GALNT15: variants seen among roughly 807,000 people sequenced by gnomAD.
GALNT15 encodes polypeptide N-acetylgalactosaminyltransferase 15, also known as UDP-GalNAc transferase T15.
Under a neutral mutation model 66.8 loss-of-function variants are expected in GALNT15, and 67 were observed. The observed-to-expected ratio is 1.00, with a 90% CI of 0.82 to 1.23. GALNT15 has a LOEUF of 1.23. Among genes scored for constraint, GALNT15 ranks in the 50% most tolerant of loss-of-function variants. The pLI, the probability that GALNT15 is intolerant of heterozygous loss-of-function variation, is 0.00. For synonymous variants in GALNT15, 313 were observed against 311.5 expected (o/e 1.00, Z -0.05); for missense variants, 827 against 804.3 (o/e 1.03, Z -0.34).
In GALNT15 at chr3:16,222,741, C is replaced by G. The variant is rs763710829; in HGVS notation, c.1756C>G (p.His586Asp). ...GGAAGGCCTGGCCATCCACCAGCAGCACTGGGACTTCCAGGAGGTGAGTAA... is the reference window on the plus strand; with the variant it reads ...GGAAGGCCTGGCCATCCACCAGCAGGACTGGGACTTCCAGGAGGTGAGTAA... ...TEEGLAIHQQ[H>D]WDFQENGMIV... Residue 586 changes from histidine (H) to aspartate (D), a missense_variant, in exon 9 of 10, where the codon CAC (histidine) becomes GAC (aspartate). Transcript: ENST00000339732. The G allele has an allele frequency of 1.2e-6, 2 of 1,614,042 alleles. No individual in the cohort carries two copies. The highest frequency in any genetic ancestry group is 1.7e-6 in the Non-Finnish European group (2 of 1,180,032).
chr3:16,233,052 A>G (rs1016129165), downstream of GALNT15, among the ~76,000 whole-genome samples: 13 of 145,122 alleles, frequency 9.0e-5, no homozygotes, highest in Non-Finnish European at 9.0e-5. Context: ...TTGAAGCCAC[A>G]TGGTAAGATG....
At chr3:16,233,113 T>TTTTTTTTTTTTTTTTTTTTTTTTGTGG (rs71064272), downstream of GALNT15, among the ~76,000 whole-genome samples, 1 of 139,260 alleles carries the variant, frequency 7.2e-6, no homozygotes, top group African/African-American at 2.7e-5. Context: ...TTTTTTTTTT[T>TTTTTTTTTTTTTTTTTTTTTTTTGTGG]GAAACGGAGT....
chr3:16,194,543 C>A (rs1172111762), intron 1 of GALNT15, among the ~76,000 whole-genome samples: 3 of 152,164 alleles, frequency 2.0e-5, no homozygotes, highest in Admixed American at 2.0e-4. Context: ...ATGTTTGTTG[C>A]AGCACTATTC....
At chr3:16,185,034 A>C (rs1448510029) in intron 1 of GALNT15, among the ~76,000 whole-genome samples, 1 of 152,238 alleles carries the variant, frequency 6.6e-6, no homozygotes, top group Non-Finnish European at 1.5e-5. Flanking sequence ...GTCCTGTATC[A>C]TAATGAGATG....
chr3:16,199,095 G>T (rs907690849), intron 2 of GALNT15, among the ~76,000 whole-genome samples: 1 of 141,912 alleles, frequency 7.0e-6, no homozygotes, highest in African/African-American at 2.6e-5. Flanking sequence ...CCACTGGCCT[G>T]GGGGGACTCC....
chr3:16,234,318 G>A (rs1184641084), downstream of GALNT15, among the ~76,000 whole-genome samples: 1 of 152,068 alleles, frequency 6.6e-6, no homozygotes, highest in Non-Finnish European at 1.5e-5. Context: ...TCTTCACCTG[G>A]GTTTCTTTTT....
At chr3:16,235,918 A>G (rs2064122724), downstream of GALNT15, among the ~76,000 whole-genome samples, 1 of 151,902 alleles carries the variant, frequency 6.6e-6, no homozygotes, top group Non-Finnish European at 1.5e-5. Flanking sequence ...CAGACTGGAC[A>G]AAATGGTGAA....
intron 5 of GALNT15, among the ~76,000 whole-genome samples, chr3:16,212,358 A>C (rs1217126852): frequency 6.6e-6 from 1 of 152,116 alleles, no homozygotes; most frequent in Non-Finnish European, 1.5e-5. Flanking sequence ...ATTTTGGGAC[A>C]ACTACCTCTA....
At chr3:16,232,126 A>G (rs192313715), downstream of GALNT15, 4 of 512,588 alleles carry the variant, frequency 7.8e-6, no homozygotes, top group Middle Eastern at 1.2e-3. Flanking sequence ...CCCAAACCAT[A>G]TGGCTATAGT....
chr3:16,194,155 C>T (rs1363602925), intron 1 of GALNT15, among the ~76,000 whole-genome samples: 3 of 152,198 alleles, frequency 2.0e-5, no homozygotes, highest in Non-Finnish European at 4.4e-5. Flanking sequence ...TCCCTCGAAG[C>T]CTCCGTTTCC....
chr3:16,213,023 C>T (rs2124888810), intron 6 of GALNT15, among the ~76,000 whole-genome samples: 1 of 152,186 alleles, frequency 6.6e-6, no homozygotes, highest in South Asian at 2.1e-4. Context: ...GGGATGGGAT[C>T]CCTCACCTGG....
downstream of GALNT15, among the ~76,000 whole-genome samples, chr3:16,235,940 A>G (rs569444978): frequency 6.6e-6 from 1 of 151,826 alleles, no homozygotes; most frequent in East Asian, 1.9e-4. Context: ...CCCTGCCCCT[A>G]CTAAAAATAC....
At chr3:16,210,914 A>G (rs1318017249) in intron 4 of GALNT15, among the ~76,000 whole-genome samples, 1 of 152,234 alleles carries the variant, frequency 6.6e-6, no homozygotes, top group Non-Finnish European at 1.5e-5. Flanking sequence ...TAGAAGGCCC[A>G]GGCAAGAATA....
In GALNT15 at chr3:16,222,678, G is replaced by A. The variant is rs750925284; in HGVS notation, c.1693G>A (p.Val565Ile). 1.2e-6 allele frequency: 2 copies of A among 1,614,250 alleles called. No homozygotes were observed. The highest frequency in any genetic ancestry group is 4.5e-5 in the East Asian group (2 of 44,880). Reference sequence around the variant, plus strand: ...CAGCCCACAGCACCTGTGCTTTGCTGTCAGGCAGGAGCAGGTGATTCTTCA... The same window carrying A: ...CAGCCCACAGCACCTGTGCTTTGCTATCAGGCAGGAGCAGGTGATTCTTCA... ...FGSPQHLCFA[V>I]RQEQVILQNC... The change falls in exon 9 of 10, where the codon GTC becomes ATC. Residue 565 changes from valine (V) to isoleucine (I), a missense_variant. Coordinates refer to ENST00000339732, the MANE Select transcript of GALNT15 (RefSeq NM_054110.5).
In GALNT15 at chr3:16,183,557, A is replaced by G. The variant is rs1241452687; in HGVS notation, c.539+7867A>G. On this transcript the variant is annotated intron_variant, in intron 1 of 9. Transcript: ENST00000339732. This position sits in a 1 kb window ranked among gnomAD's most constrained non-coding sequence, Gnocchi z 5.2. ...GTGAACAAATAGCTATTGAACAACTATCAGAAGTAAGAAGGTAAGCAATAC... is the reference window on the plus strand; with the variant it reads ...GTGAACAAATAGCTATTGAACAACTGTCAGAAGTAAGAAGGTAAGCAATAC... Among the ~76,000 whole-genome samples, 4 of 152,206 alleles carry G rather than the reference A, an allele frequency of 2.6e-5. No individual in the cohort carries two copies. The highest frequency in any genetic ancestry group is 1.9e-4 in the East Asian group (1 of 5,202).
In GALNT15 at chr3:16,191,954, G is replaced by A. The variant is rs969151982; in HGVS notation, c.540-3806G>A. The stretch of plus-strand genomic sequence containing the variant: ...ATACTAATTACATTGTGTCTTTTTG[G>A]AAAATGGCTATAAAACAGTCACTGT... On this transcript the variant is annotated intron_variant, in intron 1 of 9. Coordinates refer to ENST00000339732, the MANE Select transcript of GALNT15 (RefSeq NM_054110.5). The surrounding 1 kb of genome is among the most constrained non-coding windows in gnomAD (Gnocchi z 5.2). Among the ~76,000 whole-genome samples, 5 of 152,092 alleles carry A rather than the reference G, an allele frequency of 3.3e-5. No homozygotes were observed. Among genetic ancestry groups the A allele is most frequent in the African/African-American group, 1.2e-4 (5 of 41,412 alleles).
intron 3 of GALNT15, among the ~76,000 whole-genome samples, chr3:16,207,909 A>G (rs1464262055): frequency 6.6e-6 from 1 of 152,172 alleles, no homozygotes; most frequent in African/African-American, 2.4e-5. Flanking sequence ...CCTTTGTGGG[A>G]AGTAGTTCAA....
chr3:16,226,206 G>A (rs1449817776), intron 9 of GALNT15, among the ~76,000 whole-genome samples: 1 of 152,176 alleles, frequency 6.6e-6, no homozygotes, highest in Non-Finnish European at 1.5e-5. Flanking sequence ...AATGGGGAGT[G>A]ACTGCTGATG....
At chr3:16,234,656 A>G (rs2064115189), downstream of GALNT15, among the ~76,000 whole-genome samples, 1 of 152,174 alleles carries the variant, frequency 6.6e-6, no homozygotes, top group Non-Finnish European at 1.5e-5. Context: ...TTGCACACAA[A>G]TCCTTATCTC....
Sources: allele counts gnomAD v4.1 joint callset (sites outside exome capture counted in the v4.1 genomes callset), GRCh38; gene constraint gnomAD v4.1.1; non-coding constraint Gnocchi (gnomAD v3.1); transcripts MANE v1.5; gene names NCBI Gene and HGNC (gene_info 2026-07-23, HGNC 2026-07-21).